The following ZFHX4 variants were observed in gnomAD, a reference collection of about 807,000 sequenced individuals.
ZFHX4 encodes the protein zinc finger homeobox protein 4.
In ZFHX4, 56 loss-of-function variants were observed where a neutral mutation model predicts 267.6. That is an observed-to-expected ratio of 0.21 (90% CI 0.17 to 0.26). The LOEUF (loss-of-function observed/expected upper bound fraction) is 0.26. ZFHX4 is among the 10% of genes least tolerant of loss of function. The pLI, the probability that ZFHX4 is intolerant of heterozygous loss-of-function variation, is 1.00. For synonymous variants in ZFHX4, 1,778 were observed against 1,665.6 expected, an observed-to-expected ratio of 1.07 and a Z score of -1.64; for missense variants, 4,332 against 4,420.0, an observed-to-expected ratio of 0.98 and a Z score of 0.56.
intron 3 of ZFHX4, among the ~76,000 whole-genome samples, chr8:76,719,689 T>C (rs1298070119): frequency 2.0e-5 from 3 of 152,170 alleles, no homozygotes; most frequent in African/African-American, 4.8e-5. Context: ...ATATAATAGA[T>C]ACCACAAGAT....
chr8:76,727,590 T>C (rs927948045), intron 3 of ZFHX4, among the ~76,000 whole-genome samples: 2 of 152,168 alleles, frequency 1.3e-5, no homozygotes, highest in African/African-American at 4.8e-5. Context: ...CAGGAATACA[T>C]ATTTCAGAAA....
chr8:76,717,108 C>T (rs895904035), intron 3 of ZFHX4, among the ~76,000 whole-genome samples: 6 of 152,152 alleles, frequency 3.9e-5, no homozygotes, highest in Non-Finnish European at 7.3e-5. Flanking sequence ...TTCTCCTTCT[C>T]CTGGTTTCCT....
rs1202456037 is a variant in ZFHX4 at position 76,710,005 on chromosome 8, C to CAG, written c.3093+1964_3093+1965dup. 2.0e-5 allele frequency among the ~76,000 whole-genome samples: 3 copies of CAG among 152,012 alleles called. No individual in the cohort carries two copies. The East Asian group carries it at 5.8e-4, about 29-fold the overall frequency. On this transcript the variant is annotated intron_variant, in intron 3 of 10. Transcript: ENST00000651372. ...CATGATTATAAAGAGGGCCTTAAAG[C>CAG]AGAGAGAGCTTCAGATCCCACAACT...
intron 4 of ZFHX4, among the ~76,000 whole-genome samples, chr8:76,831,506 A>G (rs1300110693): frequency 6.6e-6 from 1 of 152,204 alleles, no homozygotes; most frequent in African/African-American, 2.4e-5. Flanking sequence ...GAAAATTCTC[A>G]TCTTCAGATT....
intron 3 of ZFHX4, among the ~76,000 whole-genome samples, chr8:76,755,985 C>T (rs1303799740): frequency 6.6e-6 from 1 of 152,190 alleles, no homozygotes; most frequent in Non-Finnish European, 1.5e-5. Context: ...CAACTTGCTT[C>T]GTAGGAGTTC....
In ZFHX4 at chr8:76,705,285, C is replaced by A. The variant is rs1306631845; in HGVS notation, c.1197C>A (p.Thr399=). The A allele has an allele frequency of 2.5e-6, 4 of 1,613,870 alleles. No homozygotes were observed. The highest frequency in any genetic ancestry group is 3.4e-6 in the Non-Finnish European group (4 of 1,179,896). Residue 399 remains threonine (T), a synonymous_variant, in exon 2 of 11, where the codon ACC becomes ACA. Coordinates refer to ENST00000651372, the MANE Select transcript of ZFHX4 (RefSeq NM_024721.5). The part of the protein sequence containing the change: ...SSSAEQPLGI[T]QMPKAEVNLG... ...CAGCAGAGCAGCCGCTGGGGATTACCCAAATGCCAAAGGCTGAAGTGAATC... is the reference window on the plus strand; with the variant it reads ...CAGCAGAGCAGCCGCTGGGGATTACACAAATGCCAAAGGCTGAAGTGAATC...
intron 3 of ZFHX4, among the ~76,000 whole-genome samples, chr8:76,739,359 A>G (rs1156282639): frequency 6.6e-6 from 1 of 152,218 alleles, no homozygotes; most frequent in Non-Finnish European, 1.5e-5. Flanking sequence ...CAACTGTGAT[A>G]ACCTTGGTTC....
intron 10 of ZFHX4, among the ~76,000 whole-genome samples, chr8:76,856,521 T>G (rs993170451): frequency 1.3e-5 from 2 of 152,106 alleles, no homozygotes; most frequent in Admixed American, 6.6e-5. Flanking sequence ...TCACAGCAGA[T>G]TCTCAGATAT....
intron 4 of ZFHX4, among the ~76,000 whole-genome samples, chr8:76,822,214 A>G (rs571121525): frequency 6.6e-6 from 1 of 152,088 alleles, no homozygotes; most frequent in African/African-American, 2.4e-5. Flanking sequence ...ATAATCATTG[A>G]TTCTTTTCAG....
chr8:76,853,799 A>G lies in ZFHX4; in HGVS notation c.6878A>G (p.Asp2293Gly), dbSNP rs1372310366. Residue 2293 changes from aspartate (D) to glycine (G), a missense_variant, in exon 10 of 11, where the codon GAT becomes GGT. Asp to Gly is a moderately conservative substitution (Grantham distance 94). Around this residue, in one of 7 missense-constraint regions of ZFHX4, gnomAD observed 1,648 missense variants for 1,625.0 expected, o/e 1.01. Transcript: ENST00000651372. Reference sequence around the variant, plus strand: ...TATGAGAATCAAGCAGAAACAAAAGATAATGAAAAAAGAGAACTCACTAAT... The same window carrying G: ...TATGAGAATCAAGCAGAAACAAAAGGTAATGAAAAAAGAGAACTCACTAAT... ...KSYENQAETK[D>G]NEKRELTNER... 1 of 1,613,822 alleles carries G rather than the reference A, an allele frequency of 6.2e-7. No individual in the cohort carries two copies. The highest frequency in any genetic ancestry group is 8.5e-7 in the Non-Finnish European group (1 of 1,179,800).
chr8:76,850,844 T>A, intron 9 of ZFHX4, 42 bp from the exon 10 acceptor site: 2 of 1,465,110 alleles, frequency 1.4e-6, no homozygotes, highest in East Asian at 4.9e-5. Context: ...AAGGAGTAGG[T>A]TTTCTTATTG....
Position 76,852,488 on chromosome 8 carries a change from A to T in ZFHX4, c.5567A>T (p.Lys1856Met). The T allele has an allele frequency of 6.3e-7, 1 of 1,594,048 alleles. No homozygotes were observed. Among genetic ancestry groups the T allele is most frequent in the South Asian group, 1.1e-5 (1 of 87,736 alleles). Residue 1856 changes from lysine to methionine, a missense_variant, in exon 10 of 11, where the codon AAG becomes ATG. Coordinates refer to ENST00000651372, the MANE Select transcript of ZFHX4 (RefSeq NM_024721.5). The stretch of plus-strand genomic sequence containing the variant: ...ATCATGAAGGATGTGCCATCTTATA[A>T]GGAGGCAGAAGATATTTCTGAAAAG... ...CQIMKDVPSYKEAEDISEKPE... is the reference protein window; with the variant it reads ...CQIMKDVPSYMEAEDISEKPE...
rs770516521 is a variant in ZFHX4, at chr8:76,851,403, C to T, written c.4482C>T (p.Asp1494=). The T allele has an allele frequency of 1.2e-6, 2 of 1,613,768 alleles. No homozygotes were observed. The highest frequency in any genetic ancestry group is 4.5e-5 in the East Asian group (2 of 44,810). The stretch of plus-strand genomic sequence containing the variant: ...AAATGGAGAGAGAGTATGAGGTGGA[C>T]CACGAAGGGAAAGCAAGTCCTGTAG... ...EQEMEREYEV[D]HEGKASPVGS... is the part of the protein sequence containing the mutation. The change falls in exon 10 of 11, where the codon GAC becomes GAT. Residue 1494 remains aspartate, a synonymous_variant. Transcript: ENST00000651372.
In ZFHX4 at chr8:76,862,998, A is replaced by G. The variant is rs981212459; in HGVS notation, c.9380-96A>G. 3 of 1,421,590 alleles carry G rather than the reference A, an allele frequency of 2.1e-6. No homozygotes were observed. The African/African-American group carries it at 4.3e-5, about 20-fold the overall frequency. 88.1% of individuals were successfully genotyped at this position (1,421,590 alleles called of 1,614,324 possible). A position where few individuals can be genotyped will look rare whatever the true frequency, so the allele number is the denominator to read the frequency against. On this transcript the variant is annotated intron_variant, in intron 10 of 10. Transcript: ENST00000651372. ...TGTAATACATCTTTTCTGATATAGCAATGTCCTTAGTGAGTTCTATTTAGG... is the reference window on the plus strand; with the variant it reads ...TGTAATACATCTTTTCTGATATAGCGATGTCCTTAGTGAGTTCTATTTAGG...
intron 1 of ZFHX4, among the ~76,000 whole-genome samples, chr8:76,690,066 C>T (rs1223078483): frequency 6.6e-6 from 1 of 152,004 alleles, no homozygotes; most frequent in East Asian, 1.9e-4. Flanking sequence ...TAGATCATTT[C>T]TAATGTTTGT....
chr8:76,794,332 T>C (rs991282148), intron 4 of ZFHX4, among the ~76,000 whole-genome samples: 2 of 152,128 alleles, frequency 1.3e-5, no homozygotes, highest in Admixed American at 6.6e-5. Flanking sequence ...GGTTTTTGTT[T>C]TTGCTCTTGA....
Position 76,778,491 on chromosome 8 carries a change from T to TCA in ZFHX4, c.3325+69_3325+70dup, listed in dbSNP as rs1491079901. 7.8e-4 allele frequency: 1,011 copies of TCA among 1,289,584 alleles called. 1 individual carries two copies. Among genetic ancestry groups the TCA allele is most frequent in the Middle Eastern group, 1.3e-3 (5 of 3,878 alleles). The allele number at this position is 1,289,584 out of a possible 1,614,324, so 79.9% of individuals were successfully genotyped here. ...CTGAGCCTCCCTCCACACCACTTCATCACACACACACACACACAAACACAC... is the reference window on the plus strand; with the variant it reads ...CTGAGCCTCCCTCCACACCACTTCATCACACACACACACACACACAAACACAC... On this transcript the variant is annotated intron_variant, in intron 4 of 10. Transcript: ENST00000651372.
chr8:76,714,629 G>T (rs1808516679), intron 3 of ZFHX4, among the ~76,000 whole-genome samples: 1 of 152,204 alleles, frequency 6.6e-6, no homozygotes, highest in Non-Finnish European at 1.5e-5. Flanking sequence ...CCACCATTCT[G>T]TTAGCAGAAT....
intron 1 of ZFHX4, among the ~76,000 whole-genome samples, chr8:76,691,700 A>C (rs1299203610): frequency 6.6e-6 from 1 of 152,086 alleles, no homozygotes; most frequent in African/African-American, 2.4e-5. Context: ...AAGTTACTTA[A>C]TCTTCCTGAG....
Sources: allele counts gnomAD v4.1 joint callset (sites outside exome capture counted in the v4.1 genomes callset), GRCh38; gene constraint gnomAD v4.1.1; regional missense constraint gnomAD v4.1.1; transcripts MANE v1.5; gene names NCBI Gene and HGNC (gene_info 2026-07-23, HGNC 2026-07-21).